LRMDA: variants seen among roughly 807,000 people sequenced by gnomAD.
The protein encoded by LRMDA is leucine-rich melanocyte differentiation-associated protein.
LRMDA carries 18 observed loss-of-function variants against 29.8 expected under a neutral mutation model. The observed-to-expected ratio is 0.60, with a 90% CI of 0.42 to 0.90. The LOEUF is 0.90. Ranked by LOEUF, LRMDA falls within the 40% of genes least tolerant of loss-of-function variation. The pLI is 0.00. For synonymous variants in LRMDA, 125 were observed against 109.4 expected (o/e 1.14, Z -0.89); for missense variants, 273 against 273.9 (o/e 1.00, Z 0.02).
chr10:75,877,675 A>G (rs1845221526), intron 2 of LRMDA, among the ~76,000 whole-genome samples: 1 of 152,228 alleles, frequency 6.6e-6, no homozygotes, highest in Non-Finnish European at 1.5e-5. Flanking sequence ...CATTTTGAAT[A>G]CCTGGAGGTA....
chr10:75,664,749 T>A (rs150199434), intron 2 of LRMDA, among the ~76,000 whole-genome samples: 1 of 152,192 alleles, frequency 6.6e-6, no homozygotes, highest in Admixed American at 6.5e-5. Context: ...TGAAAAAGAT[T>A]GAAGGCATGG....
intron 2 of LRMDA, among the ~76,000 whole-genome samples, chr10:75,502,734 T>G (rs1264178264): frequency 2.0e-5 from 3 of 152,178 alleles, no homozygotes; most frequent in Non-Finnish European, 4.4e-5. Context: ...TTCTTTCTCT[T>G]TATTTTATAT....
chr10:76,247,714 G>T (rs142143722), intron 5 of LRMDA, among the ~76,000 whole-genome samples: 14 of 152,204 alleles, frequency 9.2e-5, no homozygotes, highest in Non-Finnish European at 1.5e-4. Flanking sequence ...TTGAATGGGG[G>T]CTTGACCTTG....
chr10:76,528,055 T>G (rs922003976), intron 6 of LRMDA, among the ~76,000 whole-genome samples: 3 of 152,048 alleles, frequency 2.0e-5, no homozygotes, highest in Non-Finnish European at 4.4e-5. Context: ...GCAAAGATGT[T>G]TAAATAGGCA....
intron 5 of LRMDA, among the ~76,000 whole-genome samples, chr10:76,083,220 C>A (rs1261679212): frequency 1.3e-5 from 2 of 152,172 alleles, no homozygotes; most frequent in Non-Finnish European, 2.9e-5. Context: ...CTGCTGTGAA[C>A]CACTTCCTCT....
chr10:75,608,667 A>G (rs1268230225), intron 2 of LRMDA, among the ~76,000 whole-genome samples: 1 of 151,986 alleles, frequency 6.6e-6, no homozygotes, highest in Non-Finnish European at 1.5e-5. Flanking sequence ...CCACAAGTTT[A>G]TTTTGCATCT....
intron 5 of LRMDA, among the ~76,000 whole-genome samples, chr10:76,207,212 G>A (rs1851553182): frequency 6.6e-6 from 1 of 152,188 alleles, no homozygotes; most frequent in Admixed American, 6.5e-5. Context: ...CACTTGCTCT[G>A]AACAGTGAGC....
At chr10:75,756,255 A>C (rs966135728) in intron 2 of LRMDA, among the ~76,000 whole-genome samples, 4 of 152,218 alleles carry the variant, frequency 2.6e-5, no homozygotes, top group Non-Finnish European at 4.4e-5. Context: ...CAGCTAAGTC[A>C]AAGTATTGCG....
intron 2 of LRMDA, among the ~76,000 whole-genome samples, chr10:76,027,702 G>A (rs1848084622): frequency 6.6e-6 from 1 of 152,178 alleles, no homozygotes; most frequent in Non-Finnish European, 1.5e-5. Flanking sequence ...GAAAAGCTTG[G>A]TGCAGATTAA....
At chr10:75,905,020 C>CTCTA (rs907130154) in intron 2 of LRMDA, among the ~76,000 whole-genome samples, 34 of 152,140 alleles carry the variant, frequency 2.2e-4, no homozygotes, top group African/African-American at 7.2e-4. Context: ...AAAGTGCACA[C>CTCTA]TCTATCTGCA....
chr10:75,887,127 A>G (rs1256987114), intron 2 of LRMDA, among the ~76,000 whole-genome samples: 5 of 150,812 alleles, frequency 3.3e-5, no homozygotes, highest in Admixed American at 3.3e-4. Flanking sequence ...GATTTTATAT[A>G]TAAGTATATA....
chr10:76,510,646 A>C (rs1843001540), intron 6 of LRMDA, among the ~76,000 whole-genome samples: 1 of 152,156 alleles, frequency 6.6e-6, no homozygotes, highest in Non-Finnish European at 1.5e-5. Context: ...TGTACAGCGA[A>C]CAAGATGAAT....
chr10:75,718,584 G>A (rs1390073183), intron 2 of LRMDA, among the ~76,000 whole-genome samples: 1 of 152,192 alleles, frequency 6.6e-6, no homozygotes, highest in Non-Finnish European at 1.5e-5. Flanking sequence ...ACCATTATTT[G>A]TTTATTTAGT....
chr10:76,206,166 G>C (rs2132239001), intron 5 of LRMDA, among the ~76,000 whole-genome samples: 1 of 152,262 alleles, frequency 6.6e-6, no homozygotes, highest in East Asian at 1.9e-4. Context: ...ACTCAGCAGT[G>C]GGACTGTGCT....
chr10:76,362,070 G>A (rs1170303064), intron 6 of LRMDA, among the ~76,000 whole-genome samples: 1 of 152,202 alleles, frequency 6.6e-6, no homozygotes, highest in Non-Finnish European at 1.5e-5. Flanking sequence ...GACCGGAGAG[G>A]CTCCTAACCC....
At chr10:76,299,492 G>C (rs1306039582) in intron 5 of LRMDA, among the ~76,000 whole-genome samples, 2 of 152,024 alleles carry the variant, frequency 1.3e-5, no homozygotes, top group Non-Finnish European at 2.9e-5. Context: ...GCTAAACTTT[G>C]GGAAGAGGTC....
At chr10:75,811,272 C>T (rs1446838988) in intron 2 of LRMDA, among the ~76,000 whole-genome samples, 1 of 152,164 alleles carries the variant, frequency 6.6e-6, no homozygotes, top group Non-Finnish European at 1.5e-5. Flanking sequence ...CCTTCATGGG[C>T]AAGCTCCACC....
intron 2 of LRMDA, among the ~76,000 whole-genome samples, chr10:75,661,031 G>T (rs1207066853): frequency 6.6e-6 from 1 of 152,174 alleles, no homozygotes; most frequent in African/African-American, 2.4e-5. Context: ...AGGCTACCCA[G>T]ATTCTCACAC....
At chr10:75,935,786 T>A (rs1302081415) in intron 2 of LRMDA, among the ~76,000 whole-genome samples, 1 of 152,196 alleles carries the variant, frequency 6.6e-6, no homozygotes, top group Non-Finnish European at 1.5e-5. Context: ...GGAAGCCGTC[T>A]GTCCACATGC....
Sources: allele counts gnomAD v4.1 joint callset (sites outside exome capture counted in the v4.1 genomes callset), GRCh38; gene constraint gnomAD v4.1.1; transcripts MANE v1.5; gene names NCBI Gene and HGNC (gene_info 2026-07-23, HGNC 2026-07-21).